The following SLC38A10 variants were observed in gnomAD, a reference collection of about 807,000 sequenced individuals.
The protein encoded by SLC38A10 is solute carrier family 38 member 10.
In SLC38A10, 53 loss-of-function variants were observed where a neutral mutation model predicts 81.0. The observed-to-expected ratio is 0.65, with a 90% confidence interval of 0.53 to 0.82. The LOEUF (loss-of-function observed/expected upper bound fraction) is 0.82. Among genes scored for constraint, SLC38A10 ranks in the 40% least tolerant of loss-of-function variants. SLC38A10 has a pLI of 0.00. For missense variants in SLC38A10, 1,471 were observed against 1,545.0 expected (o/e 0.95, Z 0.80); for synonymous variants, 665 against 655.3 (o/e 1.01, Z -0.23).
In SLC38A10 at chr17:81,245,654, C is replaced by T. The variant is rs775262641; in HGVS notation, c.3262G>A (p.Ala1088Thr). 4.7e-5 allele frequency: 75 copies of T among 1,611,932 alleles called. No homozygotes were observed. In the Admixed American group the frequency reaches 8.3e-4, roughly 18 times the overall value. ...PDVQVNDLRG[A>T]LDAQLRQAAG... is the part of the protein sequence containing the mutation. ...GCCTGGCGGAGCTGGGCATCCAGGGCGCCACGGAGGTCGTTCACCTGGACA... is the reference window on the plus strand; with the variant it reads ...GCCTGGCGGAGCTGGGCATCCAGGGTGCCACGGAGGTCGTTCACCTGGACA... The change falls in exon 16 of 16, where the codon GCC becomes ACC. Residue 1088 changes from alanine (A) to threonine (T), a missense_variant. Around this residue, in one of 2 missense-constraint regions of SLC38A10, gnomAD observed 751 missense variants for 717.4 expected, o/e 1.05. Coordinates refer to ENST00000374759, the MANE Select transcript of SLC38A10 (RefSeq NM_001037984.3).
intron 14 of SLC38A10, among the ~76,000 whole-genome samples, chr17:81,248,992 C>T (rs759361683): frequency 3.9e-4 from 60 of 152,174 alleles, no homozygotes; most frequent in Non-Finnish European, 5.6e-4. Context: ...CCACCTCGGC[C>T]GTGGGCCACG....
At chr17:81,272,273 C>A (rs964733685) in intron 9 of SLC38A10, among the ~76,000 whole-genome samples, 1 of 152,086 alleles carries the variant, frequency 6.6e-6, no homozygotes, top group Admixed American at 6.5e-5. Context: ...CTCAGGTGAT[C>A]CACCCACCTC....
chr17:81,280,831 T>C, intron 5 of SLC38A10, 98 bp from the exon 6 acceptor site: 3 of 1,468,512 alleles, frequency 2.0e-6, no homozygotes, highest in South Asian at 1.4e-5. Context: ...GGCAGGAGAG[T>C]GCAGCTCTTC....
Position 81,246,213 on chromosome 17 carries a change from GGCTGCC to G in SLC38A10, c.2697_2702del (p.Ala900_Ala901del). On this transcript the variant is annotated inframe_deletion, in exon 16 of 16. Transcript: ENST00000374759. ...CTTCCTTCAGAATGCTGGTGCCAGT[GGCTGCC>G]ACCTCCTTCCCAGGTTTTTTCCTGT... The G allele has an allele frequency of 6.2e-7, 1 of 1,612,742 alleles. No homozygotes were observed. Among genetic ancestry groups the G allele is most frequent in the Non-Finnish European group, 8.5e-7 (1 of 1,179,960 alleles).
intron 14 of SLC38A10, among the ~76,000 whole-genome samples, chr17:81,249,436 AGGG>A (rs1567922583): frequency 1.3e-5 from 2 of 152,078 alleles, no homozygotes; most frequent in East Asian, 1.9e-4. Context: ...AGAAGGAGGG[AGGG>A]AGAAGGAGGG....
intron 3 of SLC38A10, 97 bp downstream of exon 3, chr17:81,284,753 G>A: frequency 1.0e-6 from 1 of 960,280 alleles, no homozygotes; most frequent in Non-Finnish European, 1.5e-6. Flanking sequence ...CTAAGTTACA[G>A]GTGAATCTGG....
rs1316765924 is a variant in SLC38A10 at position 81,283,453 on chromosome 17, C to T, written c.313G>A (p.Gly105Ser). Residue 105 changes from glycine (G) to serine (S), a missense_variant, in exon 4 of 16, where the codon GGC (glycine) becomes AGC (serine). By Grantham distance (56) the Gly-to-Ser change is moderately conservative (BLOSUM62 0). Coordinates refer to ENST00000374759, the MANE Select transcript of SLC38A10 (RefSeq NM_001037984.3). The surrounding 1 kb of genome is among the most constrained non-coding windows in gnomAD (Gnocchi z 4.7). ...GCAAAGAAGTTGGACCCCAAGTCGC[C>T]GATCACGACGTAGAAGGCGATGCAG... ...GTCIAFYVVI[G>S]DLGSNFFARL... is the part of the protein sequence containing the mutation. The T allele has an allele frequency of 1.2e-5, 19 of 1,612,300 alleles. No individual in the cohort carries two copies. Among genetic ancestry groups the T allele is most frequent in the Admixed American group, 1.7e-5 (1 of 59,860 alleles).
chr17:81,275,954 C>T lies in SLC38A10; in HGVS notation c.912+15G>A. On this transcript the variant is annotated intron_variant, in intron 8 of 15. Transcript: ENST00000374759. ...CTGTGCTATTACGATCCGGAGAGTGCCCCGAGGGTCTTACCTGCTGCTCAC... is the reference window on the plus strand; with the variant it reads ...CTGTGCTATTACGATCCGGAGAGTGTCCCGAGGGTCTTACCTGCTGCTCAC... 6.2e-7 allele frequency: 1 copy of T among 1,609,230 alleles called. No homozygotes were observed. Among genetic ancestry groups the T allele is most frequent in the Non-Finnish European group, 8.5e-7 (1 of 1,177,050 alleles).
At position 81,245,701 on chromosome 17, in the gene SLC38A10, A is replaced by G; in HGVS notation, c.3215T>C (p.Ile1072Thr). The G allele has an allele frequency of 2.0e-6, 1 of 506,640 alleles. No individual in the cohort carries two copies. The highest frequency in any genetic ancestry group is 1.6e-5 in the African/African-American group (1 of 63,268). 31.4% of individuals were successfully genotyped at this position (506,640 alleles called of 1,614,324 possible). ...GQLAPRDGVI[I>T]GLNPLPDVQV... ...GACATCAGGCAGGGGGTTAAGGCCAATGATGACCCCATCCCTCGGGGCCAG... is the reference window on the plus strand; with the variant it reads ...GACATCAGGCAGGGGGTTAAGGCCAGTGATGACCCCATCCCTCGGGGCCAG... The change falls in exon 16 of 16, where the codon ATT becomes ACT. Residue 1072 changes from isoleucine (I) to threonine (T), a missense_variant. Ile to Thr is a moderately conservative substitution (Grantham distance 89, BLOSUM62 -1). Around this residue, in one of 2 missense-constraint regions of SLC38A10, gnomAD observed 751 missense variants for 717.4 expected, o/e 1.05. Transcript: ENST00000374759.
Position 81,251,553 on chromosome 17 carries a change from G to A in SLC38A10, c.2005C>T (p.Pro669Ser), listed in dbSNP as rs756895137. 10 of 1,513,154 alleles carry A rather than the reference G, an allele frequency of 6.6e-6. No homozygotes were observed. In the African/African-American group the frequency reaches 1.4e-4, roughly 21 times the overall value. 93.7% of individuals were successfully genotyped at this position (1,513,154 alleles called of 1,614,324 possible). A position where few individuals can be genotyped will look rare whatever the true frequency, so the allele number is the denominator to read the frequency against. Reference sequence around the variant, plus strand: ...CGCTCCACGTCCCTCTGCTCGCGAGGCTCGGGCGGCAGCCCAGGCCCTGGA... The same window carrying A: ...CGCTCCACGTCCCTCTGCTCGCGAGACTCGGGCGGCAGCCCAGGCCCTGGA... ...PAPGPGLPPE[P>S]REQRDVERAG... The change falls in exon 14 of 16, where the codon CCT becomes TCT. Residue 669 changes from proline (P) to serine (S), a missense_variant. Around this residue, in one of 2 missense-constraint regions of SLC38A10, gnomAD observed 751 missense variants for 717.4 expected, o/e 1.05. Coordinates refer to ENST00000374759, the MANE Select transcript of SLC38A10 (RefSeq NM_001037984.3).
intron 4 of SLC38A10, among the ~76,000 whole-genome samples, chr17:81,282,964 C>T (rs994690929): frequency 1.3e-5 from 2 of 152,312 alleles, no homozygotes; most frequent in South Asian, 2.1e-4. Context: ...TGTGTGGGCC[C>T]GTCAGGTGGG....
intron 1 of SLC38A10, among the ~76,000 whole-genome samples, chr17:81,294,438 G>A (rs774214036): frequency 7.2e-5 from 11 of 152,192 alleles, no homozygotes; most frequent in Non-Finnish European, 1.5e-4. Context: ...TGGGAGTGGT[G>A]AGTTGTGTGC....
intron 14 of SLC38A10, among the ~76,000 whole-genome samples, chr17:81,248,198 T>C (rs2062872509): frequency 1.3e-5 from 2 of 152,126 alleles, no homozygotes; most frequent in Admixed American, 1.3e-4. Context: ...ACCTCGTGAT[T>C]CGCACACCTC....
rs1598399434 is a variant in SLC38A10, at chr17:81,277,261, C to T, written c.627-128G>A. The T allele has an allele frequency of 1.1e-5, 9 of 794,208 alleles. No homozygotes were observed. The Admixed American group carries it at 1.9e-4, about 17-fold the overall frequency. The allele number at this position is 794,208 out of a possible 1,614,324, so 49.2% of individuals were successfully genotyped here. On this transcript the variant is annotated intron_variant, in intron 6 of 15. Transcript: ENST00000374759. The surrounding 1 kb of genome is among the most constrained non-coding windows in gnomAD (Gnocchi z 4.5). Reference sequence around the variant, plus strand: ...CTTCCTTCATGCAACATTCTCTGCACACTGGAAGTCCCAGCGCTGAGGCCA... The same window carrying T: ...CTTCCTTCATGCAACATTCTCTGCATACTGGAAGTCCCAGCGCTGAGGCCA...
At chr17:81,251,847 A>C in intron 13 of SLC38A10, 1 of 527,434 alleles carries the variant, frequency 1.9e-6, no homozygotes, top group East Asian at 3.2e-5. Context: ...TTCGCAATTA[A>C]AATGCAAGAA....
chr17:81,258,246 C>T (rs564240432), intron 11 of SLC38A10, among the ~76,000 whole-genome samples: 3 of 152,314 alleles, frequency 2.0e-5, no homozygotes, highest in African/African-American at 4.8e-5. Context: ...TGACAGGGAG[C>T]GCACATCGGT....
chr17:81,270,556 G>A lies in SLC38A10; in HGVS notation c.1131+362C>T, dbSNP rs9891634. ...GTGGGAGGGTCGCACCAGGAACAAC[G>A]GTGGGTGGTGGCCTCAGGGGTGGGC... On this transcript the variant is annotated intron_variant, in intron 10 of 15. Transcript: ENST00000374759. This position sits in a 1 kb window ranked among gnomAD's most constrained non-coding sequence, Gnocchi z 4.0. Among the ~76,000 whole-genome samples, 3,462 of 152,224 alleles carry A rather than the reference G, an allele frequency of 0.023. 135 individuals carry two copies. The highest frequency in any genetic ancestry group is 0.079 in the African/African-American group (3,278 of 41,516).
chr17:81,252,346 T>G lies in SLC38A10; in HGVS notation c.1794A>C (p.Pro598=), dbSNP rs756046572. Residue 598 remains proline (P), a synonymous_variant, in exon 13 of 16, where the codon CCA becomes CCC. Coordinates refer to ENST00000374759, the MANE Select transcript of SLC38A10 (RefSeq NM_001037984.3). ...AVQPAKEDLG[P]GDRGLHPRPQ... ...GCCGAGGATGCAGGCCCCTGTCTCC[T>G]GGCCCCAGGTCCTCCTTTGCAGGCT... is the stretch of plus-strand genomic sequence containing the variant. 1 of 1,612,968 alleles carries G rather than the reference T, an allele frequency of 6.2e-7. No homozygotes were observed. Among genetic ancestry groups the G allele is most frequent in the Non-Finnish European group, 8.5e-7 (1 of 1,179,918 alleles).
intron 9 of SLC38A10, among the ~76,000 whole-genome samples, chr17:81,271,583 G>A (rs991416379): frequency 6.6e-6 from 1 of 152,128 alleles, no homozygotes; most frequent in Non-Finnish European, 1.5e-5. Context: ...AGCCTTCAAC[G>A]CTTCCCTTGG....
Sources: gnomAD v4.1 joint callset for allele counts (sites outside exome capture counted in the v4.1 genomes callset) on GRCh38, gnomAD v4.1.1 for gene constraint, gnomAD v4.1.1 regional missense constraint, Gnocchi (gnomAD v3.1) non-coding constraint, MANE v1.5 for transcripts, NCBI Gene and HGNC (gene_info 2026-07-23, HGNC 2026-07-21) for gene names.